The following HMCN1 variants were observed in gnomAD, a reference collection of about 807,000 sequenced individuals.
The protein encoded by HMCN1 is hemicentin-1.
Under a neutral mutation model 625.9 loss-of-function variants are expected in HMCN1, and 321 were observed. The observed-to-expected ratio is 0.51, with a 90% CI of 0.47 to 0.56. HMCN1 has a LOEUF of 0.56. Among genes scored for constraint, HMCN1 ranks in the 20% least tolerant of loss-of-function variants. The pLI, the probability that HMCN1 is intolerant of heterozygous loss-of-function variation, is 0.00. For missense variants in HMCN1, 6,588 were observed against 6,887.3 expected, an observed-to-expected ratio of 0.96 and a Z score of 1.54; for synonymous variants, 2,425 against 2,417.6, an observed-to-expected ratio of 1.00 and a Z score of -0.09.
chr1:185,763,776 G>A (rs951724968), intron 1 of HMCN1, among the ~76,000 whole-genome samples: 2 of 152,156 alleles, frequency 1.3e-5, no homozygotes, highest in African/African-American at 4.8e-5. Flanking sequence ...GAGAAATGCT[G>A]TAAATCACCT....
chr1:185,958,617 T>C (rs1459127393), intron 11 of HMCN1, among the ~76,000 whole-genome samples: 1 of 152,202 alleles, frequency 6.6e-6, no homozygotes, highest in East Asian at 1.9e-4. Context: ...GCCTACTACA[T>C]GCCAGGCATT....
chr1:186,103,174 GT>G (rs1452264358), intron 68 of HMCN1, among the ~76,000 whole-genome samples: 1 of 151,702 alleles, frequency 6.6e-6, no homozygotes, highest in Non-Finnish European at 1.5e-5. Context: ...GGTTTTTATT[GT>G]TTTCAAATCT....
chr1:186,061,807 T>C, intron 46 of HMCN1, 44 bp from the exon 47 acceptor site: 1 of 1,401,562 alleles, frequency 7.1e-7, no homozygotes, highest in Non-Finnish European at 1.0e-6. Context: ...TAAAGTTTCA[T>C]TTTTCTTTTT....
chr1:185,988,019 G>C (rs1652126712), intron 20 of HMCN1, among the ~76,000 whole-genome samples: 4 of 152,162 alleles, frequency 2.6e-5, no homozygotes, highest in Non-Finnish European at 5.9e-5. Context: ...GCTTAGAAAA[G>C]TTCCCGGCAC....
chr1:186,093,770 C>CG (rs770420478), intron 66 of HMCN1, 101 bp downstream of exon 66: 7 of 1,496,934 alleles, frequency 4.7e-6, no homozygotes, highest in Non-Finnish European at 6.5e-6. Flanking sequence ...TTTTTCTAAG[C>CG]CTTTACAGTT....
At chr1:186,075,873 T>A (rs1454828081) in intron 53 of HMCN1, among the ~76,000 whole-genome samples, 1 of 152,204 alleles carries the variant, frequency 6.6e-6, no homozygotes, top group African/African-American at 2.4e-5. Context: ...TACTTTTTTC[T>A]GTGATAAATT....
At chr1:186,083,137 A>G (rs1243922955) in intron 57 of HMCN1, among the ~76,000 whole-genome samples, 176 bp downstream of exon 57, 2 of 152,186 alleles carry the variant, frequency 1.3e-5, no homozygotes, top group Non-Finnish European at 2.9e-5. Flanking sequence ...TTTATAAAGC[A>G]TAAAACTTCC....
At position 185,751,101 on chromosome 1, in the gene HMCN1, T is replaced by G. The variant is rs74133292; in HGVS notation, c.268+16054T>G. Among the ~76,000 whole-genome samples, 1,289 of 152,262 alleles carry G rather than the reference T, an allele frequency of 8.5e-3. 19 individuals carry two copies. Among genetic ancestry groups the G allele is most frequent in the African/African-American group, 0.03 (1,230 of 41,552 alleles). ...CTTAGATTTAATTTGTTTGTTGATT[T>G]CTTTACTCATTGTTGCTTCTAGCTC... On this transcript the variant is annotated intron_variant, in intron 1 of 106. Coordinates refer to ENST00000271588, the MANE Select transcript of HMCN1 (RefSeq NM_031935.3).
rs1449376342 is a variant in HMCN1, at chr1:186,174,517, T to C, written c.15818T>C (p.Ile5273Thr). Residue 5273 changes from isoleucine (I) to threonine (T), a missense_variant, in exon 103 of 107, where the codon ATT becomes ACT. Ile to Thr is a moderately conservative substitution (Grantham distance 89). Coordinates refer to ENST00000271588, the MANE Select transcript of HMCN1 (RefSeq NM_031935.3). ...TKAENGTCID[I>T]DECKDGTHQC... ...CTCATTGCCTCCATGTCTGTAGATA[T>C]TGATGAATGTAAAGATGGGACCCAT... The C allele has an allele frequency of 1.2e-6, 2 of 1,613,832 alleles. No homozygotes were observed. The highest frequency in any genetic ancestry group is 1.7e-5 in the Admixed American group (1 of 60,028).
At chr1:186,039,207 G>A (rs1643889057) in intron 38 of HMCN1, among the ~76,000 whole-genome samples, 1 of 152,136 alleles carries the variant, frequency 6.6e-6, no homozygotes, top group Non-Finnish European at 1.5e-5. Context: ...GTTGACTTAA[G>A]TTTGCTTTCA....
intron 93 of HMCN1, among the ~76,000 whole-genome samples, chr1:186,149,998 A>G (rs1446171735): frequency 6.6e-6 from 1 of 152,208 alleles, no homozygotes; most frequent in Admixed American, 6.5e-5. Flanking sequence ...TAAGAGAGAT[A>G]ATAATAATGA....
chr1:185,912,001 A>G (rs776293824), intron 6 of HMCN1, among the ~76,000 whole-genome samples: 16 of 151,576 alleles, frequency 1.1e-4, no homozygotes, highest in Non-Finnish European at 2.2e-4. Flanking sequence ...CGATACACTT[A>G]CAATTCTCAG....
intron 36 of HMCN1, among the ~76,000 whole-genome samples, chr1:186,023,428 T>C (rs879090279): frequency 7.2e-5 from 11 of 152,118 alleles, no homozygotes; most frequent in African/African-American, 2.7e-4. Context: ...TGTTAACTTA[T>C]AGCTTTCTAC....
At chr1:186,166,426 A>C in intron 99 of HMCN1, 123 bp downstream of exon 99, 6 of 1,209,324 alleles carry the variant, frequency 5.0e-6, no homozygotes, top group Non-Finnish European at 7.1e-6. Context: ...GCAACAAACA[A>C]AGAAGGTCTC....
In HMCN1 at chr1:186,095,257, G is replaced by A. The variant is rs187159235; in HGVS notation, c.10309G>A (p.Asp3437Asn). 1 of 1,613,632 alleles carries A rather than the reference G, an allele frequency of 6.2e-7. No individual in the cohort carries two copies. The highest frequency in any genetic ancestry group is 1.7e-5 in the Admixed American group (1 of 59,910). ...TTTCTATGTAGCACCACCAAATATG[G>A]ACAATTCAATGGGGACAGAGGAAAT... is the stretch of plus-strand genomic sequence containing the variant. ...NLQVFAPPNMDNSMGTEEITV... is the reference protein window; with the variant it reads ...NLQVFAPPNMNNSMGTEEITV... The change falls in exon 68 of 107, where the codon GAC (aspartate) becomes AAC (asparagine). Residue 3437 changes from aspartate (D) to asparagine (N), a missense_variant. Asp to Asn is a conservative substitution (Grantham distance 23). Coordinates refer to ENST00000271588, the MANE Select transcript of HMCN1 (RefSeq NM_031935.3).
At chr1:186,140,793 T>A (rs982136957) in intron 89 of HMCN1, among the ~76,000 whole-genome samples, 2 of 152,174 alleles carry the variant, frequency 1.3e-5, no homozygotes, top group East Asian at 1.9e-4. Context: ...TTCTTTACTT[T>A]GTGATTTATA....
At chr1:185,770,422 G>A (rs1656162958) in intron 1 of HMCN1, among the ~76,000 whole-genome samples, 1 of 152,128 alleles carries the variant, frequency 6.6e-6, no homozygotes, top group Non-Finnish European at 1.5e-5. Flanking sequence ...TTAAAAAAGA[G>A]AAAAGGAACA....
intron 64 of HMCN1, among the ~76,000 whole-genome samples, chr1:186,091,747 G>A (rs753778187): frequency 1.3e-4 from 19 of 151,882 alleles, no homozygotes; most frequent in Non-Finnish European, 2.5e-4. Context: ...GCATAAGTGG[G>A]CATTAACTAC....
chr1:186,037,690 T>A (rs1655927811), intron 36 of HMCN1, among the ~76,000 whole-genome samples: 1 of 152,186 alleles, frequency 6.6e-6, no homozygotes, highest in Non-Finnish European at 1.5e-5. Context: ...CCTCTACTAA[T>A]CTATATAATT....
Sources: gnomAD v4.1 joint callset for allele counts (sites outside exome capture counted in the v4.1 genomes callset) on GRCh38, gnomAD v4.1.1 for gene constraint, MANE v1.5 for transcripts, NCBI Gene and HGNC (gene_info 2026-07-23, HGNC 2026-07-21) for gene names.